Variants in DNAH5 observed in about 807,000 individuals in gnomAD.
DNAH5 encodes the protein dynein axonemal heavy chain 5.
DNAH5 carries 372 observed loss-of-function variants against 518.2 expected under a neutral mutation model. The ratio of observed to expected loss-of-function variants is 0.72; its 90% confidence interval spans 0.66 to 0.78. DNAH5 has a LOEUF of 0.78. Among genes scored for constraint, DNAH5 ranks in the 30% least tolerant of loss-of-function variants. The pLI is 0.00. For synonymous variants in DNAH5, 2,039 were observed against 2,025.9 expected (o/e 1.01, Z -0.17); for missense variants, 5,523 against 5,687.0 (o/e 0.97, Z 0.93).
At chr5:13,991,237 G>C (rs1448729008) in intron 1 of DNAH5, among the ~76,000 whole-genome samples, 4 of 152,172 alleles carry the variant, frequency 2.6e-5, no homozygotes, top group African/African-American at 7.2e-5. Context: ...ATGTTAGTCT[G>C]CACTATTTAA....
intron 32 of DNAH5, among the ~76,000 whole-genome samples, chr5:13,842,456 AAAG>A (rs1706940079): frequency 1.7e-5 from 2 of 118,876 alleles, no homozygotes; most frequent in Admixed American, 1.6e-4. Context: ...AGAAAGAAAG[AAAG>A]AAAGAAAGAA....
At chr5:13,958,989 C>G (rs1412849040) in intron 1 of DNAH5, among the ~76,000 whole-genome samples, 1 of 152,084 alleles carries the variant, frequency 6.6e-6, no homozygotes, top group East Asian at 1.9e-4. Context: ...GATGGAGTCT[C>G]CATCTGTCAC....
At chr5:13,732,796 C>T (rs1331184832) in intron 68 of DNAH5, among the ~76,000 whole-genome samples, 5 of 152,092 alleles carry the variant, frequency 3.3e-5, no homozygotes, top group East Asian at 1.9e-4. Flanking sequence ...GAATTTTAGT[C>T]GGATACAAAC....
intron 47 of DNAH5, among the ~76,000 whole-genome samples, chr5:13,794,782 G>A (rs1026771875): frequency 2.0e-5 from 3 of 152,042 alleles, no homozygotes; most frequent in Non-Finnish European, 4.4e-5. Context: ...TGGCTAACAC[G>A]GTGAAACCCT....
chr5:13,735,963 T>C (rs1322651658), intron 66 of DNAH5, 31 bp from the exon 67 acceptor site: 4 of 1,528,784 alleles, frequency 2.6e-6, no homozygotes, highest in Non-Finnish European at 3.6e-6. Context: ...TTGCATGTGC[T>C]ACGAGAGAGG....
At chr5:14,002,320 G>C (rs1241882660) in intron 1 of DNAH5, among the ~76,000 whole-genome samples, 1 of 152,174 alleles carries the variant, frequency 6.6e-6, no homozygotes, top group Non-Finnish European at 1.5e-5. Context: ...CATCTGAAGA[G>C]ATCATTATGT....
intron 35 of DNAH5, among the ~76,000 whole-genome samples, chr5:13,831,631 G>A (rs1763678680): frequency 6.6e-6 from 1 of 152,194 alleles, no homozygotes; most frequent in Admixed American, 6.5e-5. Context: ...GGAAACGAGT[G>A]CTATAAAGGC....
At chr5:13,912,626 C>G (rs1265466960) in intron 11 of DNAH5, among the ~76,000 whole-genome samples, 3 of 151,088 alleles carry the variant, frequency 2.0e-5, no homozygotes, top group Non-Finnish European at 3.0e-5. Flanking sequence ...TTCCATACTT[C>G]TTTTAGACAT....
intron 1 of DNAH5, among the ~76,000 whole-genome samples, chr5:13,981,213 T>C (rs1440224912): frequency 6.6e-6 from 1 of 152,208 alleles, no homozygotes; most frequent in African/African-American, 2.4e-5. Flanking sequence ...CCCTGGTTCA[T>C]AGCAGGTGTT....
At chr5:13,782,481 G>A (rs536784170) in intron 52 of DNAH5, among the ~76,000 whole-genome samples, 2 of 152,126 alleles carry the variant, frequency 1.3e-5, no homozygotes, top group Non-Finnish European at 2.9e-5. Flanking sequence ...TGTGGTTCTC[G>A]CCAAAGTCAT....
chr5:13,896,779 C>T (rs1773967271), intron 15 of DNAH5: 1 of 152,186 alleles, frequency 6.6e-6, no homozygotes, highest in Non-Finnish European at 1.5e-5. Context: ...GTATTATTTA[C>T]ATAATGTCAA....
chr5:13,880,175 C>A (rs575579174), intron 21 of DNAH5, among the ~76,000 whole-genome samples: 126 of 152,202 alleles, frequency 8.3e-4, no homozygotes, highest in Non-Finnish European at 9.3e-4. Flanking sequence ...AAGAAAATAA[C>A]TGCTAAGAAT....
intron 47 of DNAH5, among the ~76,000 whole-genome samples, chr5:13,801,222 C>T (rs1758699522): frequency 6.6e-6 from 1 of 152,136 alleles, no homozygotes; most frequent in African/African-American, 2.4e-5. Flanking sequence ...CCAGTGCTGT[C>T]TCATGAGTGA....
chr5:13,741,145 T>C (rs1196096239), intron 65 of DNAH5, among the ~76,000 whole-genome samples: 1 of 152,092 alleles, frequency 6.6e-6, no homozygotes, highest in Non-Finnish European at 1.5e-5. Context: ...CTGAAAACCA[T>C]GACATTAAAA....
In DNAH5 at chr5:13,899,737, G is replaced by T. The variant is rs986095668; in HGVS notation, c.2259+469C>A. The T allele has an allele frequency of 2.8e-5, 5 of 175,482 alleles. No homozygotes were observed. The South Asian group carries it at 6.8e-4, about 24-fold the overall frequency. 10.9% of individuals were successfully genotyped at this position (175,482 alleles called of 1,614,324 possible). ...GGAACTGCTCACACCAAAACCACAG[G>T]TATTATTCCTGAGTTCTCTTATAAC... is the stretch of plus-strand genomic sequence containing the variant. On this transcript the variant is annotated intron_variant, in intron 15 of 78. Transcript: ENST00000265104.
Position 13,753,429 on chromosome 5 carries a change from T to C in DNAH5, c.10676A>G (p.Lys3559Arg). Residue 3559 changes from lysine (K) to arginine (R), a missense_variant, in exon 63 of 79, where the codon AAG becomes AGG. Around this residue, in one of 3 missense-constraint regions of DNAH5, gnomAD observed 5,121 missense variants for 5,223.3 expected, o/e 0.98. Transcript: ENST00000265104. Reference protein sequence around the residue: ...EMKARKIPFGKNLNLSEMLID... With the variant: ...EMKARKIPFGRNLNLSEMLID... ...CAACATCTCACTGAGATTTAGGTTC[T>C]TTCCAAATGGAATTTTCCGGGCTTT... 6.2e-7 allele frequency: 1 copy of C among 1,614,072 alleles called. No homozygotes were observed. The highest frequency in any genetic ancestry group is 8.5e-7 in the Non-Finnish European group (1 of 1,179,958).
chr5:13,712,725 TCAA>T (rs1223666873), intron 75 of DNAH5, among the ~76,000 whole-genome samples: 1 of 151,984 alleles, frequency 6.6e-6, no homozygotes, highest in African/African-American at 2.4e-5. Context: ...AAAAAAATGC[TCAA>T]CATCACTAAT....
rs577138163 is a variant in DNAH5, at chr5:13,862,341, A to G, written c.4796+207T>C. Among the ~76,000 whole-genome samples the G allele has an allele frequency of 3.3e-5, 5 of 152,356 alleles. No individual in the cohort carries two copies. In the East Asian group the frequency reaches 9.6e-4, roughly 29 times the overall value. ...ATGAAAACAAGAATAATTGAAATAT[A>G]ATCTCTTGATGATGTATATATAAGT... On this transcript the variant is annotated intron_variant, in intron 29 of 78. Transcript: ENST00000265104.
intron 1 of DNAH5, among the ~76,000 whole-genome samples, chr5:13,975,247 A>C (rs1217482226): frequency 6.6e-6 from 1 of 152,212 alleles, no homozygotes; most frequent in Non-Finnish European, 1.5e-5. Flanking sequence ...GAGCCAAGCA[A>C]AACGGGTTTT....
Sources: gnomAD v4.1 joint callset for allele counts (sites outside exome capture counted in the v4.1 genomes callset) on GRCh38, gnomAD v4.1.1 for gene constraint, gnomAD v4.1.1 regional missense constraint, MANE v1.5 for transcripts, NCBI Gene and HGNC (gene_info 2026-07-23, HGNC 2026-07-21) for gene names.